The following R3HDM1 variants were observed in gnomAD, a reference collection of about 807,000 sequenced individuals.
R3HDM1 encodes R3H domain containing 1, also known as R3H domain-containing protein 1.
In R3HDM1, 46 loss-of-function variants were observed where a neutral mutation model predicts 141.1. The observed-to-expected ratio is 0.33, with a 90% CI of 0.26 to 0.42. R3HDM1 has a LOEUF of 0.42. R3HDM1 is among the 10% of genes least tolerant of loss of function. The pLI, the probability that R3HDM1 is intolerant of heterozygous loss-of-function variation, is 1.00. For missense variants in R3HDM1, 1,184 were observed against 1,368.3 expected (o/e 0.87, Z 2.12); for synonymous variants, 435 against 472.9 (o/e 0.92, Z 1.04).
intron 1 of R3HDM1, among the ~76,000 whole-genome samples, chr2:135,549,561 C>CAAAAAAA (rs1236257586): frequency 3.3e-4 from 22 of 67,350 alleles, no homozygotes; most frequent in South Asian, 8.5e-4. Flanking sequence ...AACTCTGCCT[C>CAAAAAAA]AAAAAAAAAA....
chr2:135,678,208 C>T (rs2069552977), intron 20 of R3HDM1, among the ~76,000 whole-genome samples: 1 of 151,874 alleles, frequency 6.6e-6, no homozygotes, highest in Non-Finnish European at 1.5e-5. Context: ...AAGTGATCTA[C>T]CCTCCTTGGC....
At chr2:135,614,845 G>A (rs1297819074) in intron 3 of R3HDM1, among the ~76,000 whole-genome samples, 1 of 151,254 alleles carries the variant, frequency 6.6e-6, no homozygotes, top group Non-Finnish European at 1.5e-5. Context: ...CCTAGATGGT[G>A]GCATCTACCA....
At chr2:135,626,638 C>T (rs2062080647) in intron 7 of R3HDM1, among the ~76,000 whole-genome samples, 1 of 152,104 alleles carries the variant, frequency 6.6e-6, no homozygotes, top group Non-Finnish European at 1.5e-5. Flanking sequence ...AGTTATTTTT[C>T]CTCTATAGAT....
chr2:135,596,462 G>A (rs1017498851), intron 1 of R3HDM1, among the ~76,000 whole-genome samples: 1 of 151,912 alleles, frequency 6.6e-6, no homozygotes, highest in African/African-American at 2.4e-5. Context: ...TTTTTATATT[G>A]GCTGGAGATC....
At chr2:135,616,510 G>A (rs1323921199) in intron 4 of R3HDM1, among the ~76,000 whole-genome samples, 158 bp from the exon 5 acceptor site, 3 of 152,080 alleles carry the variant, frequency 2.0e-5, no homozygotes, top group Admixed American at 1.3e-4. Context: ...CTTAACAAAG[G>A]CCTTCAGTAG....
intron 9 of R3HDM1, among the ~76,000 whole-genome samples, chr2:135,634,317 A>T (rs141063861): frequency 1.3e-5 from 2 of 152,130 alleles, no homozygotes; most frequent in East Asian, 1.9e-4. Context: ...TTAGAAATTC[A>T]TAGGTTAAAA....
intron 1 of R3HDM1, among the ~76,000 whole-genome samples, chr2:135,579,716 C>T (rs893140192): frequency 1.3e-5 from 2 of 152,004 alleles, no homozygotes; most frequent in Non-Finnish European, 2.9e-5. Flanking sequence ...TTCACTTCCG[C>T]GGTATCCCTA....
intron 9 of R3HDM1, among the ~76,000 whole-genome samples, chr2:135,632,723 A>C (rs1383048804): frequency 3.3e-5 from 5 of 152,178 alleles, no homozygotes; most frequent in African/African-American, 1.2e-4. Flanking sequence ...GCTGAAATTT[A>C]TATTTTGATG....
intron 19 of R3HDM1, among the ~76,000 whole-genome samples, chr2:135,665,923 T>C (rs1260181784): frequency 6.6e-6 from 1 of 152,200 alleles, no homozygotes; most frequent in Non-Finnish European, 1.5e-5. Context: ...AATTTTTTTT[T>C]CCAAACGATG....
chr2:135,708,505 A>G (rs1376638153), intron 21 of R3HDM1, among the ~76,000 whole-genome samples: 1 of 152,256 alleles, frequency 6.6e-6, no homozygotes, highest in African/African-American at 2.4e-5. Flanking sequence ...ACAGCTTTTT[A>G]AAATGACAAA....
chr2:135,690,831 G>A (rs1037769959), intron 21 of R3HDM1, among the ~76,000 whole-genome samples: 9 of 152,132 alleles, frequency 5.9e-5, no homozygotes, highest in African/African-American at 2.2e-4. Flanking sequence ...GAGAAGGGAA[G>A]AGGGTGCTTT....
At chr2:135,581,865 C>A (rs1706891003) in intron 1 of R3HDM1, among the ~76,000 whole-genome samples, 1 of 152,092 alleles carries the variant, frequency 6.6e-6, no homozygotes, top group South Asian at 2.1e-4. Context: ...TTCTTAATTT[C>A]TTTGCATCAT....
intron 5 of R3HDM1, 41 bp from the exon 6 acceptor site, chr2:135,621,448 AATTGT>A (rs1166741266): frequency 1.7e-6 from 2 of 1,189,046 alleles, no homozygotes; most frequent in Non-Finnish European, 2.4e-6. Context: ...GTATTAAATG[AATTGT>A]ATTGTATTTT....
intron 21 of R3HDM1, among the ~76,000 whole-genome samples, chr2:135,689,448 A>G (rs2105375714): frequency 6.6e-6 from 1 of 152,344 alleles, no homozygotes; most frequent in South Asian, 2.1e-4. Context: ...TAGATGCTAA[A>G]TGGACTCTAG....
At chr2:135,596,875 C>A (rs1018631155) in intron 1 of R3HDM1, 1 of 275,776 alleles carries the variant, frequency 3.6e-6, no homozygotes. Context: ...TTGTACATGT[C>A]CCTTTGTATA....
intron 5 of R3HDM1, among the ~76,000 whole-genome samples, chr2:135,618,016 C>T (rs745450875): frequency 1.3e-5 from 2 of 152,120 alleles, no homozygotes; most frequent in African/African-American, 2.4e-5. Flanking sequence ...TTAGAATATG[C>T]ACTGTTTTTG....
chr2:135,680,673 G>A (rs2070130338), intron 21 of R3HDM1, among the ~76,000 whole-genome samples: 2 of 152,306 alleles, frequency 1.3e-5, no homozygotes, highest in South Asian at 4.1e-4. Flanking sequence ...GGGAGGCTGA[G>A]GCAGCAGAAT....
chr2:135,599,120 A>G (rs1182819898), intron 1 of R3HDM1, among the ~76,000 whole-genome samples: 1 of 152,122 alleles, frequency 6.6e-6, no homozygotes, highest in Admixed American at 6.5e-5. Flanking sequence ...CTTTAATTTT[A>G]CCTGTAATTT....
intron 1 of R3HDM1, chr2:135,550,291 A>G (rs1037492859): frequency 3.2e-6 from 3 of 928,978 alleles, no homozygotes; most frequent in African/African-American, 1.8e-5. Flanking sequence ...TTTGTGATAT[A>G]TGGAAATTTC....
Sources: allele counts gnomAD v4.1 joint callset (sites outside exome capture counted in the v4.1 genomes callset), GRCh38; gene constraint gnomAD v4.1.1; transcripts MANE v1.5; gene names NCBI Gene and HGNC (gene_info 2026-07-23, HGNC 2026-07-21).